PCDHGB5: variants seen among roughly 807,000 people sequenced by gnomAD.
PCDHGB5 encodes protocadherin gamma-B5.
In PCDHGB5, 48 loss-of-function variants were observed where a neutral mutation model predicts 62.9. That is an observed-to-expected ratio of 0.76 (90% confidence interval 0.61 to 0.97). The LOEUF (loss-of-function observed/expected upper bound fraction) is 0.97. Among genes scored for constraint, PCDHGB5 ranks in the 50% least tolerant of loss-of-function variants. The pLI, the probability that PCDHGB5 is intolerant of heterozygous loss-of-function variation, is 0.00. For synonymous variants in PCDHGB5, 474 were observed against 511.2 expected (o/e 0.93, Z 0.98); for missense variants, 1,118 against 1,198.6 (o/e 0.93, Z 0.99).
intron 1 of PCDHGB5, among the ~76,000 whole-genome samples, chr5:141,433,641 G>A (rs1177387884): frequency 6.6e-6 from 1 of 152,104 alleles, no homozygotes; most frequent in Non-Finnish European, 1.5e-5. Flanking sequence ...TTTGAGACCA[G>A]CCTGACCAAC....
intron 1 of PCDHGB5, chr5:141,419,206 G>A: frequency 1.9e-6 from 3 of 1,613,876 alleles, no homozygotes; most frequent in Non-Finnish European, 1.7e-6. Flanking sequence ...ATGACAACGC[G>A]CCGGTTTTCG....
chr5:141,478,489 C>T (rs779457709), intron 1 of PCDHGB5: 99 of 1,613,162 alleles, frequency 6.1e-5, no homozygotes, highest in Non-Finnish European at 8.1e-5. Context: ...CGCTGCGGAG[C>T]TGTGATCCGG....
At position 141,491,070 on chromosome 5, in the gene PCDHGB5, G is replaced by T. The variant is rs1405880268; in HGVS notation, c.2398-3737G>T. On this transcript the variant is annotated intron_variant, in intron 1 of 3. Transcript: ENST00000617380. The surrounding 1 kb of genome is among the most constrained non-coding windows in gnomAD (Gnocchi z 6.9). ...ATGCGTGGCTCTCCTACTCACTGTTGCCACAGTCCACAGCCCCAGGACTGT... is the reference window on the plus strand; with the variant it reads ...ATGCGTGGCTCTCCTACTCACTGTTTCCACAGTCCACAGCCCCAGGACTGT... 6.2e-7 allele frequency: 1 copy of T among 1,614,162 alleles called. No homozygotes were observed. Among genetic ancestry groups the T allele is most frequent in the Non-Finnish European group, 8.5e-7 (1 of 1,180,038 alleles).
In PCDHGB5 at chr5:141,403,638, A is replaced by G. The variant is rs373036061; in HGVS notation, c.2397+3114A>G. On this transcript the variant is annotated intron_variant, in intron 1 of 3. Coordinates refer to ENST00000617380, the MANE Select transcript of PCDHGB5 (RefSeq NM_018925.3). ...CGTCGCTCCAGCACAGTGCGCATCCATGTGACAGTGTTGGATACAAATGAT... is the reference window on the plus strand; with the variant it reads ...CGTCGCTCCAGCACAGTGCGCATCCGTGTGACAGTGTTGGATACAAATGAT... The G allele has an allele frequency of 1.5e-5, 25 of 1,613,906 alleles. No individual in the cohort carries two copies. The East Asian group carries it at 4.5e-4, about 29-fold the overall frequency.
At chr5:141,420,527 G>T (rs368419425) in intron 1 of PCDHGB5, 3 of 349,150 alleles carry the variant, frequency 8.6e-6, no homozygotes, top group Non-Finnish European at 1.5e-5. Flanking sequence ...ATACCTTTCG[G>T]TTAAAAATAT....
chr5:141,422,492 C>G (rs747903569), intron 1 of PCDHGB5: 10 of 1,613,934 alleles, frequency 6.2e-6, no homozygotes, highest in Non-Finnish European at 8.5e-6. Flanking sequence ...TACAATATAA[C>G]GTTGACAGCC....
intron 1 of PCDHGB5, among the ~76,000 whole-genome samples, chr5:141,438,587 CAT>C (rs1372372472): frequency 3.8e-4 from 28 of 73,432 alleles, no homozygotes; most frequent in African/African-American, 1.4e-3. Flanking sequence ...TACATACATA[CAT>C]ACATATATAT....
intron 1 of PCDHGB5, chr5:141,417,798 C>G (rs2096163233): frequency 6.7e-7 from 1 of 1,486,352 alleles, no homozygotes; most frequent in African/African-American, 1.4e-5. Flanking sequence ...GCTCTTTTAG[C>G]GCGGTAGAGT....
intron 1 of PCDHGB5, chr5:141,426,320 G>A (rs2096927622): frequency 1.1e-5 from 2 of 175,034 alleles, no homozygotes; most frequent in South Asian, 1.3e-4. Context: ...AGCAGGACCC[G>A]GCAGTGGCAA....
chr5:141,504,786 C>T (rs568185327), intron 2 of PCDHGB5, among the ~76,000 whole-genome samples: 1 of 152,132 alleles, frequency 6.6e-6, no homozygotes, highest in Non-Finnish European at 1.5e-5. Flanking sequence ...TCTCTTGGGG[C>T]CTCCTACATC....
chr5:141,410,540 G>C (rs1301173391), intron 1 of PCDHGB5: 1 of 1,613,702 alleles, frequency 6.2e-7, no homozygotes. Context: ...TGAAGACATG[G>C]TTTGCAGTGT....
At position 141,485,184 on chromosome 5, in the gene PCDHGB5, A is replaced by G. The variant is rs1415940980; in HGVS notation, c.2398-9623A>G. ...TAGCGGGCGGCAGCAATGCTCCGCA[A>G]GGTGAGAAGCTGGACAGAAATCTGG... On this transcript the variant is annotated intron_variant, in intron 1 of 3. Transcript: ENST00000617380. This position sits in a 1 kb window ranked among gnomAD's most constrained non-coding sequence, Gnocchi z 5.7. The G allele has an allele frequency of 6.2e-7, 1 of 1,613,152 alleles. No individual in the cohort carries two copies. The highest frequency in any genetic ancestry group is 1.3e-5 in the African/African-American group (1 of 74,938).
intron 1 of PCDHGB5, among the ~76,000 whole-genome samples, chr5:141,407,382 A>G (rs1158380926): frequency 6.6e-6 from 1 of 152,218 alleles, no homozygotes; most frequent in Non-Finnish European, 1.5e-5. Context: ...GAAGGCTTGT[A>G]TGTCATGGTA....
chr5:141,480,607 C>T (rs2099522175), intron 1 of PCDHGB5, among the ~76,000 whole-genome samples: 1 of 145,670 alleles, frequency 6.9e-6, no homozygotes, highest in Admixed American at 6.8e-5. Context: ...GCCTGGAAAG[C>T]AACTGGCATT....
chr5:141,405,394 CTT>C lies in PCDHGB5; in HGVS notation c.2397+4872_2397+4873del, dbSNP rs1561700295. 3.8e-6 allele frequency: 6 copies of C among 1,593,014 alleles called. No individual in the cohort carries two copies. In the Admixed American group the frequency reaches 7.1e-5, roughly 19 times the overall value. On this transcript the variant is annotated intron_variant, in intron 1 of 3. Transcript: ENST00000617380. ...TGGTTCCGGTGAGTTCATTTTTTTT[CTT>C]TCTTTCTTTTCTTTTTTTGTTTTTT...
rs1188941232 is a variant in PCDHGB5, at chr5:141,512,270, G to A, written c.*1097G>A. ...TCTGTGGGTGCTGGGTACTCCAGAG[G>A]TGCCACTGGTGGAAGGGTCAGCGGA... On this transcript the variant is annotated 3_prime_UTR_variant, in exon 4 of 4. Coordinates refer to ENST00000617380, the MANE Select transcript of PCDHGB5 (RefSeq NM_018925.3). The A allele has an allele frequency of 1.3e-5, 2 of 152,714 alleles. No individual in the cohort carries two copies. The highest frequency in any genetic ancestry group is 2.9e-5 in the Non-Finnish European group (2 of 68,100). The allele number at this position is 152,714 out of a possible 1,614,324, so 9.5% of individuals were successfully genotyped here.
rs1420211451 is a variant in PCDHGB5 at position 141,399,755 on chromosome 5, G to C, written c.1628G>C (p.Ser543Thr). 1 of 1,613,232 alleles carries C rather than the reference G, an allele frequency of 6.2e-7. No individual in the cohort carries two copies. Among genetic ancestry groups the C allele is most frequent in the Non-Finnish European group, 8.5e-7 (1 of 1,179,822 alleles). ...TCGCCTGCGCTCAGCGCAAACGTGA[G>C]CCTGCGCGTGTTGGTGGGCGACCGA... ...QGSPALSANVSLRVLVGDRND... is the reference protein window; with the variant it reads ...QGSPALSANVTLRVLVGDRND... The change falls in exon 1 of 4, where the codon AGC (serine) becomes ACC (threonine). Residue 543 changes from serine (S) to threonine (T), a missense_variant. Around this residue, in one of 2 missense-constraint regions of PCDHGB5, gnomAD observed 1,034 missense variants for 1,029.1 expected, o/e 1.00. Coordinates refer to ENST00000617380, the MANE Select transcript of PCDHGB5 (RefSeq NM_018925.3).
At position 141,490,258 on chromosome 5, in the gene PCDHGB5, G is replaced by A. The variant is rs776865457; in HGVS notation, c.2398-4549G>A. Reference sequence around the variant, plus strand: ...GGGCCACTGTGTGATTCAAGTGGATGTGGGGGATGTCAATGACAATGCCCC... The same window carrying A: ...GGGCCACTGTGTGATTCAAGTGGATATGGGGGATGTCAATGACAATGCCCC... On this transcript the variant is annotated intron_variant, in intron 1 of 3. Transcript: ENST00000617380. The surrounding 1 kb of genome is among the most constrained non-coding windows in gnomAD (Gnocchi z 5.4). 6.2e-7 allele frequency: 1 copy of A among 1,614,136 alleles called. No homozygotes were observed.
chr5:141,413,371 C>T lies in PCDHGB5; in HGVS notation c.2397+12847C>T, dbSNP rs752898022. 3.7e-6 allele frequency: 6 copies of T among 1,613,966 alleles called. No individual in the cohort carries two copies. In the Admixed American group the frequency reaches 8.3e-5, roughly 22 times the overall value. On this transcript the variant is annotated intron_variant, in intron 1 of 3. Coordinates refer to ENST00000617380, the MANE Select transcript of PCDHGB5 (RefSeq NM_018925.3). ...TCTGGCGCCCCGGGAGCTGGCGGAG[C>T]GCGGAGTCCGCATAGTCTCCAGAGG...
Sources: gnomAD v4.1 joint callset for allele counts (sites outside exome capture counted in the v4.1 genomes callset) on GRCh38, gnomAD v4.1.1 for gene constraint, gnomAD v4.1.1 regional missense constraint, Gnocchi (gnomAD v3.1) non-coding constraint, MANE v1.5 for transcripts, NCBI Gene and HGNC (gene_info 2026-07-23, HGNC 2026-07-21) for gene names.